CBFB: variants seen among roughly 807,000 people sequenced by gnomAD.
CBFB encodes the protein CBF-beta.
In CBFB, 9 loss-of-function variants were observed where a neutral mutation model predicts 30.4. The ratio of observed to expected loss-of-function variants is 0.30; its 90% CI spans 0.18 to 0.52. The LOEUF (loss-of-function observed/expected upper bound fraction) is 0.52, where lower values mean the gene tolerates loss of function less well. Among genes scored for constraint, CBFB ranks in the 20% least tolerant of loss-of-function variants. CBFB has a pLI of 0.97. For synonymous variants in CBFB, 94 were observed against 84.0 expected, an observed-to-expected ratio of 1.12 and a Z score of -0.65; for missense variants, 170 against 244.0, an observed-to-expected ratio of 0.70 and a Z score of 2.02.
chr16:67,061,385 C>T (rs1249016464), intron 3 of CBFB, among the ~76,000 whole-genome samples: 5 of 152,118 alleles, frequency 3.3e-5, no homozygotes, highest in Non-Finnish European at 7.4e-5. Flanking sequence ...TGGGTTTAAT[C>T]CCTAGTTCAT....
intron 3 of CBFB, among the ~76,000 whole-genome samples, chr16:67,041,240 G>A (rs1966525380): frequency 6.6e-6 from 1 of 152,162 alleles, no homozygotes. Context: ...ACCTAGCTCA[G>A]GCTTTTGAGC....
chr16:67,078,697 G>T (rs1446117025), intron 4 of CBFB, among the ~76,000 whole-genome samples: 1 of 152,168 alleles, frequency 6.6e-6, no homozygotes, highest in African/African-American at 2.4e-5. Context: ...TGCCCAGGCT[G>T]GAGTGCAATG....
At chr16:67,058,862 G>T (rs780205509) in intron 3 of CBFB, among the ~76,000 whole-genome samples, 4 of 152,148 alleles carry the variant, frequency 2.6e-5, no homozygotes, top group Admixed American at 1.3e-4. Context: ...CTTTCCAATC[G>T]AAAGGGATTT....
chr16:67,072,048 GA>G (rs1324192770), intron 4 of CBFB, among the ~76,000 whole-genome samples: 2 of 152,034 alleles, frequency 1.3e-5, no homozygotes, highest in Admixed American at 1.3e-4. Context: ...ACAGTTTTTT[GA>G]AAAGTTAAAG....
chr16:67,054,078 C>T (rs1169026799), intron 3 of CBFB, among the ~76,000 whole-genome samples: 3 of 151,974 alleles, frequency 2.0e-5, no homozygotes, highest in Admixed American at 1.3e-4. Context: ...CTATATCCAG[C>T]GCACTGCTTT....
intron 3 of CBFB, among the ~76,000 whole-genome samples, chr16:67,042,074 C>T (rs1966541458): frequency 6.6e-6 from 1 of 151,942 alleles, no homozygotes; most frequent in Non-Finnish European, 1.5e-5. Context: ...ACCCCAGCAC[C>T]ACCATGCCTG....
intron 3 of CBFB, among the ~76,000 whole-genome samples, chr16:67,043,326 A>T (rs1250271256): frequency 6.6e-6 from 1 of 152,230 alleles, no homozygotes; most frequent in African/African-American, 2.4e-5. Context: ...TATTTGAAAT[A>T]CAGTTTTATG....
At chr16:67,082,115 G>C (rs1269314982) in intron 4 of CBFB, 98 bp from the exon 5 acceptor site, 1 of 992,108 alleles carries the variant, frequency 1.0e-6, no homozygotes, top group Non-Finnish European at 1.4e-6. Context: ...CACTGCGCCC[G>C]GCCACTGTTT....
At chr16:67,048,815 T>C (rs529206167) in intron 3 of CBFB, among the ~76,000 whole-genome samples, 1 of 140,244 alleles carries the variant, frequency 7.1e-6, no homozygotes, top group East Asian at 2.0e-4. Flanking sequence ...AGCCTTTTTT[T>C]TTTTTTTCTT....
intron 4 of CBFB, among the ~76,000 whole-genome samples, chr16:67,081,203 CACCTATG>C (rs1161898714): frequency 6.8e-6 from 1 of 146,652 alleles, no homozygotes; most frequent in Admixed American, 7.0e-5. Context: ...GTTCAATTCC[CACCTATG>C]AGTGAGAATA....
intron 4 of CBFB, among the ~76,000 whole-genome samples, chr16:67,073,121 A>G (rs1373554497): frequency 6.6e-6 from 1 of 152,190 alleles, no homozygotes; most frequent in Non-Finnish European, 1.5e-5. Flanking sequence ...TCTGTAAACT[A>G]CGTAAAAAAT....
intron 3 of CBFB, among the ~76,000 whole-genome samples, chr16:67,046,530 A>G (rs1320583334): frequency 6.6e-6 from 1 of 152,210 alleles, no homozygotes; most frequent in Non-Finnish European, 1.5e-5. Flanking sequence ...TTTTTCAATC[A>G]GCATTATTGA....
Position 67,029,198 on chromosome 16 carries a change from G to A in CBFB, c.-210G>A, listed in dbSNP as rs554672034. 0.014 allele frequency: 3,059 copies of A among 217,120 alleles called. 98 individuals are homozygous for A. Among genetic ancestry groups the A allele is most frequent in the African/African-American group, 0.067 (2,837 of 42,418 alleles). The allele number at this position is 217,120 out of a possible 1,614,324, so 13.4% of individuals were successfully genotyped here. On this transcript the variant is annotated 5_prime_UTR_variant, in exon 1 of 6. Transcript: ENST00000412916. ...GGCAGGCAACGGCTGAGGCGGCGGC[G>A]GCGGCGGCGGCGGCGTGGGTTGGGC...
intron 4 of CBFB, among the ~76,000 whole-genome samples, chr16:67,079,686 A>C (rs1464411939): frequency 6.6e-6 from 1 of 152,160 alleles, no homozygotes; most frequent in Non-Finnish European, 1.5e-5. Context: ...GAAATGTCTC[A>C]AACTTTCTTG....
chr16:67,083,712 A>C (rs1442115190), intron 5 of CBFB, among the ~76,000 whole-genome samples: 1 of 152,042 alleles, frequency 6.6e-6, no homozygotes, highest in Non-Finnish European at 1.5e-5. Flanking sequence ...CCACTTTTTT[A>C]AATCTACCAT....
At position 67,033,898 on chromosome 16, in the gene CBFB, G is replaced by A. The variant is rs1354963307; in HGVS notation, c.166-2741G>A. Among the ~76,000 whole-genome samples the A allele has an allele frequency of 2.8e-5, 4 of 143,912 alleles. No homozygotes were observed. In the South Asian group the frequency reaches 6.7e-4, roughly 24 times the overall value. The allele number at this position is 143,912 out of a possible 152,430, so 94.4% of individuals were successfully genotyped here. ...GTGCAATGGCACGATCTTGGCTCTC[G>A]GCTCACTGCAACCTCTGCCTCCTGG... On this transcript the variant is annotated intron_variant, in intron 2 of 5. Coordinates refer to ENST00000412916, the MANE Select transcript of CBFB (RefSeq NM_022845.3).
chr16:67,051,386 A>T (rs572367128), intron 3 of CBFB, among the ~76,000 whole-genome samples: 1 of 152,218 alleles, frequency 6.6e-6, no homozygotes, highest in African/African-American at 2.4e-5. Flanking sequence ...AATGTAATGT[A>T]TTTATATGGA....
At chr16:67,085,358 C>T (rs954297266) in intron 5 of CBFB, among the ~76,000 whole-genome samples, 6 of 152,004 alleles carry the variant, frequency 3.9e-5, no homozygotes, top group East Asian at 3.9e-4. Context: ...TTAGTAGACA[C>T]GAGGTTTCAC....
intron 3 of CBFB, among the ~76,000 whole-genome samples, chr16:67,049,272 C>T (rs567335045): frequency 6.6e-6 from 1 of 151,950 alleles, no homozygotes; most frequent in African/African-American, 2.4e-5. Flanking sequence ...GGCGCAATCT[C>T]GGCACACTGC....
Sources: allele counts gnomAD v4.1 joint callset (sites outside exome capture counted in the v4.1 genomes callset), GRCh38; gene constraint gnomAD v4.1.1; transcripts MANE v1.5; gene names NCBI Gene and HGNC (gene_info 2026-07-23, HGNC 2026-07-21).